Variants in ANKRD50 observed in about 807,000 individuals in gnomAD.
ANKRD50 encodes the protein ankyrin repeat domain 50.
ANKRD50 carries 40 observed loss-of-function variants against 112.0 expected under a neutral mutation model. That is an observed-to-expected ratio of 0.36 (90% CI 0.28 to 0.46). ANKRD50 has a LOEUF of 0.46. Among genes scored for constraint, ANKRD50 ranks in the 20% least tolerant of loss-of-function variants. The pLI, the probability that ANKRD50 is intolerant of heterozygous loss-of-function variation, is 1.00. For missense variants in ANKRD50, 1,487 were observed against 1,701.7 expected (o/e 0.87, Z 2.22); for synonymous variants, 613 against 619.1 (o/e 0.99, Z 0.15).
rs761578389 is a variant in ANKRD50 at position 124,669,898 on chromosome 4, T to C, written c.3379A>G (p.Lys1127Glu). Residue 1127 changes from lysine to glutamate, a missense_variant, in exon 4 of 5, where the codon AAA becomes GAA. Physicochemically the swap from Lys to Glu is moderately conservative, Grantham distance 56 (BLOSUM62 1). Around this residue, in one of 2 missense-constraint regions of ANKRD50, gnomAD observed 441 missense variants for 432.2 expected, o/e 1.02. Transcript: ENST00000504087. ...EQKPLQSLSS[K>E]VQSLTIKSNS... Reference sequence around the variant, plus strand: ...GATTTAATTGTTAATGACTGCACTTTTGAAGACAATGACTGTAGAGGTTTT... The same window carrying C: ...GATTTAATTGTTAATGACTGCACTTCTGAAGACAATGACTGTAGAGGTTTT... The C allele has an allele frequency of 5.0e-6, 8 of 1,613,452 alleles. No individual in the cohort carries two copies. The highest frequency in any genetic ancestry group is 1.6e-4 in the Middle Eastern group (1 of 6,076).
intron 1 of ANKRD50, among the ~76,000 whole-genome samples, chr4:124,712,194 T>C (rs1182048576): frequency 6.6e-6 from 1 of 151,784 alleles, no homozygotes; most frequent in African/African-American, 2.4e-5. Context: ...GGTGTGTCTT[T>C]TGAAGGGGGA....
Position 124,669,541 on chromosome 4 carries a change from G to T in ANKRD50, c.3736C>A (p.His1246Asn). Residue 1246 changes from histidine (H) to asparagine (N), a missense_variant, in exon 4 of 5, where the codon CAT becomes AAT. Transcript: ENST00000504087. The stretch of plus-strand genomic sequence containing the variant: ...TCAAATTCACTACTTGGTGAATTAT[G>T]ACTCTGTCCTAAGGACTGTGTTGTG... ...SSTTQSLGQSHNSPSSEFEWS... is the reference protein window; with the variant it reads ...SSTTQSLGQSNNSPSSEFEWS... 1 of 1,612,888 alleles carries T rather than the reference G, an allele frequency of 6.2e-7. No homozygotes were observed. The highest frequency in any genetic ancestry group is 8.5e-7 in the Non-Finnish European group (1 of 1,179,742).
chr4:124,683,091 A>G (rs1724930038), intron 2 of ANKRD50, among the ~76,000 whole-genome samples: 1 of 151,832 alleles, frequency 6.6e-6, no homozygotes, highest in African/African-American at 2.4e-5. Context: ...CACATAATGT[A>G]TATATATACC....
At position 124,672,656 on chromosome 4, in the gene ANKRD50, GATCA is replaced by G. The variant is rs1340744118; in HGVS notation, c.743-126_743-123del. The G allele has an allele frequency of 1.0e-5, 7 of 674,268 alleles. No individual in the cohort carries two copies. In the Admixed American group the frequency reaches 1.5e-4, roughly 14 times the overall value. The allele number at this position is 674,268 out of a possible 1,614,324, so 41.8% of individuals were successfully genotyped here. A position where few individuals can be genotyped will look rare whatever the true frequency, so the allele number is the denominator to read the frequency against. ...ATTAATAAATTAATACTAATAAGCA[GATCA>G]ATTAATACCTATTAGTATGTAAATC... On this transcript the variant is annotated intron_variant, in intron 3 of 4. Transcript: ENST00000504087.
chr4:124,680,482 GA>G (rs1292539542), intron 2 of ANKRD50, among the ~76,000 whole-genome samples: 1 of 152,152 alleles, frequency 6.6e-6, no homozygotes, highest in Non-Finnish European at 1.5e-5. Context: ...AAGTTTTGAG[GA>G]AACAATCATA....
At chr4:124,674,419 T>G (rs148329011) in intron 3 of ANKRD50, among the ~76,000 whole-genome samples, 293 of 152,020 alleles carry the variant, frequency 1.9e-3, no homozygotes, top group African/African-American at 6.5e-3. Context: ...AGAGCTACAT[T>G]TATTGAGAGT....
rs1208356758 is a variant in ANKRD50, at chr4:124,671,680, C to A, written c.1597G>T (p.Asp533Tyr). The A allele has an allele frequency of 1.2e-6, 2 of 1,613,832 alleles. No homozygotes were observed. Among genetic ancestry groups the A allele is most frequent in the Non-Finnish European group, 1.7e-6 (2 of 1,179,846 alleles). The change falls in exon 4 of 5, where the codon GAT becomes TAT. Residue 533 changes from aspartate to tyrosine, a missense_variant. By Grantham distance (160) the Asp-to-Tyr change is radical. This residue lies in a region of ANKRD50 where 1,046 missense variants were observed against 1,269.5 expected (regional missense o/e 0.82). Coordinates refer to ENST00000504087, the MANE Select transcript of ANKRD50 (RefSeq NM_020337.3). ...EREDSIRTLL[D>Y]NGASVNQCDS... Reference sequence around the variant, plus strand: ...CACTGATTTACTGAAGCTCCATTATCTAATAATGTCCGAATGGAATCCTCT... The same window carrying A: ...CACTGATTTACTGAAGCTCCATTATATAATAATGTCCGAATGGAATCCTCT...
chr4:124,682,711 T>G (rs1724921169), intron 2 of ANKRD50, among the ~76,000 whole-genome samples: 1 of 151,308 alleles, frequency 6.6e-6, no homozygotes, highest in African/African-American at 2.4e-5. Context: ...TTTCTTTTAA[T>G]TAGGGTTAGC....
At chr4:124,682,386 C>T (rs980592131) in intron 2 of ANKRD50, among the ~76,000 whole-genome samples, 15 of 145,218 alleles carry the variant, frequency 1.0e-4, no homozygotes, top group African/African-American at 3.6e-4. Flanking sequence ...GCAGACTGTT[C>T]TGTAATTGAC....
intron 2 of ANKRD50, among the ~76,000 whole-genome samples, chr4:124,688,709 A>C (rs1419980458): frequency 1.3e-5 from 2 of 152,156 alleles, no homozygotes; most frequent in African/African-American, 4.8e-5. Context: ...TGAACAGACC[A>C]ATGCTCTTAG....
chr4:124,684,245 A>C (rs1724955974), intron 2 of ANKRD50, among the ~76,000 whole-genome samples: 1 of 152,138 alleles, frequency 6.6e-6, no homozygotes, highest in South Asian at 2.1e-4. Flanking sequence ...CTTTTTGAGT[A>C]AATTCTTTCT....
chr4:124,710,675 C>CT lies in ANKRD50; in HGVS notation c.-165dup. On this transcript the variant is annotated 5_prime_UTR_variant, in exon 2 of 5. Coordinates refer to ENST00000504087, the MANE Select transcript of ANKRD50 (RefSeq NM_020337.3). ...TCCTCTGTCAACAGAACGTGCATGACTTTATTTGGTTCCTTATTCTTGATC... is the reference window on the plus strand; with the variant it reads ...TCCTCTGTCAACAGAACGTGCATGACTTTTATTTGGTTCCTTATTCTTGATC... 1 of 830,246 alleles carries CT rather than the reference C, an allele frequency of 1.2e-6. No individual in the cohort carries two copies. The highest frequency in any genetic ancestry group is 1.7e-5 in the South Asian group (1 of 57,228). The allele number at this position is 830,246 out of a possible 1,614,324, so 51.4% of individuals were successfully genotyped here.
chr4:124,692,641 T>C (rs1220309114), intron 2 of ANKRD50, among the ~76,000 whole-genome samples: 2 of 152,104 alleles, frequency 1.3e-5, no homozygotes, highest in South Asian at 2.1e-4. Flanking sequence ...TAATGTTCTA[T>C]AAGAGACCCC....
Position 124,671,181 on chromosome 4 carries a change from T to G in ANKRD50, c.2096A>C (p.His699Pro). Residue 699 changes from histidine (H) to proline (P), a missense_variant, in exon 4 of 5, where the codon CAT (histidine) becomes CCT (proline). By Grantham distance (77) the His-to-Pro change is moderately conservative. This residue lies in a region of ANKRD50 where 1,046 missense variants were observed against 1,269.5 expected (regional missense o/e 0.82). Transcript: ENST00000504087. ...HREIVEHLLD[H>P]GAEVNHEDVD... ...ATCCTCATGATTTACTTCTGCTCCATGGTCCAGTAGGTGTTCCACAATCTC... is the reference window on the plus strand; with the variant it reads ...ATCCTCATGATTTACTTCTGCTCCAGGGTCCAGTAGGTGTTCCACAATCTC... 1.9e-6 allele frequency: 3 copies of G among 1,613,944 alleles called. No individual in the cohort carries two copies. Among genetic ancestry groups the G allele is most frequent in the Non-Finnish European group, 2.5e-6 (3 of 1,179,870 alleles).
intron 2 of ANKRD50, among the ~76,000 whole-genome samples, chr4:124,684,897 C>T (rs1402839250): frequency 1.3e-5 from 2 of 152,024 alleles, no homozygotes; most frequent in Non-Finnish European, 1.5e-5. Flanking sequence ...TCTTTTTCCC[C>T]CCCATTCAGG....
chr4:124,703,347 A>G (rs2110527288), intron 2 of ANKRD50, among the ~76,000 whole-genome samples: 1 of 152,302 alleles, frequency 6.6e-6, no homozygotes, highest in Non-Finnish European at 1.5e-5. Flanking sequence ...CTGATGGGGA[A>G]GAGGAAGGGA....
At position 124,678,866 on chromosome 4, in the gene ANKRD50, C is replaced by A. The variant is rs907146313; in HGVS notation, c.552G>T (p.Gln184His). 6.2e-7 allele frequency: 1 copy of A among 1,613,622 alleles called. No homozygotes were observed. ...AATCAACAAGCAGGTATAGGCTTTG[C>A]TGGGGAGGCTTCATTCCCAGAAGAG... ...LLPLLGMKPPQQSLYLLVDSV... is the reference protein window; with the variant it reads ...LLPLLGMKPPHQSLYLLVDSV... Residue 184 changes from glutamine to histidine, a missense_variant, in exon 3 of 5, where the codon CAG becomes CAT. By Grantham distance (24) the Gln-to-His change is conservative. Coordinates refer to ENST00000504087, the MANE Select transcript of ANKRD50 (RefSeq NM_020337.3).
At chr4:124,689,791 G>A (rs2110518818) in intron 2 of ANKRD50, among the ~76,000 whole-genome samples, 1 of 152,246 alleles carries the variant, frequency 6.6e-6, no homozygotes, top group African/African-American at 2.4e-5. Context: ...CCAAAATTGT[G>A]TGAGCCAATT....
intron 3 of ANKRD50, among the ~76,000 whole-genome samples, chr4:124,675,454 G>T (rs554888390): frequency 1.3e-5 from 2 of 151,756 alleles, no homozygotes; most frequent in African/African-American, 4.8e-5. Flanking sequence ...AAATATGTAG[G>T]CATTAAAATA....
Sources: allele counts gnomAD v4.1 joint callset (sites outside exome capture counted in the v4.1 genomes callset), GRCh38; gene constraint gnomAD v4.1.1; regional missense constraint gnomAD v4.1.1; transcripts MANE v1.5; gene names NCBI Gene and HGNC (gene_info 2026-07-23, HGNC 2026-07-21).